MYT1L: variants seen among roughly 807,000 people sequenced by gnomAD.
The protein encoded by MYT1L is myelin transcription factor 1-like protein.
In MYT1L, 12 loss-of-function variants were observed where a neutral mutation model predicts 126.7. The ratio of observed to expected loss-of-function variants is 0.09; its 90% CI spans 0.06 to 0.15. MYT1L has a LOEUF of 0.15. MYT1L is among the 10% of genes least tolerant of loss of function. The pLI is 1.00. For missense variants in MYT1L, 979 were observed against 1,585.2 expected, an observed-to-expected ratio of 0.62 and a Z score of 6.49; for synonymous variants, 541 against 604.2, an observed-to-expected ratio of 0.90 and a Z score of 1.53.
chr2:2,129,633 G>A (rs765920238), intron 3 of MYT1L, among the ~76,000 whole-genome samples: 5 of 152,290 alleles, frequency 3.3e-5, no homozygotes, highest in Admixed American at 6.5e-5. Context: ...TAGGCCGGGC[G>A]CGGTGGCTCA....
chr2:1,850,326 C>A (rs560498161), intron 19 of MYT1L, among the ~76,000 whole-genome samples: 1 of 151,760 alleles, frequency 6.6e-6, no homozygotes, highest in Admixed American at 6.6e-5. Flanking sequence ...GTCTGGACTG[C>A]GTACTTTATA....
intron 23 of MYT1L, chr2:1,795,515 C>G (rs1473528808): frequency 6.6e-6 from 1 of 152,578 alleles, no homozygotes; most frequent in Non-Finnish European, 1.5e-5. Context: ...CAAACCCAAC[C>G]CACAGCAGCC....
At position 1,791,691 on chromosome 2, in the gene MYT1L, A is replaced by C; in HGVS notation, c.*176T>G. The stretch of plus-strand genomic sequence containing the variant: ...GTACAAAATGTGGGTGTATTCAAAA[A>C]CTATTCTGCAGGTACTATCTTTAAA... On this transcript the variant is annotated 3_prime_UTR_variant, in exon 25 of 25. Transcript: ENST00000647738. This position sits in a 1 kb window ranked among gnomAD's most constrained non-coding sequence, Gnocchi z 6.0. 1.6e-6 allele frequency: 1 copy of C among 608,286 alleles called. No homozygotes were observed. Among genetic ancestry groups the C allele is most frequent in the South Asian group, 2.9e-5 (1 of 34,090 alleles). The allele number at this position is 608,286 out of a possible 1,614,324, so 37.7% of individuals were successfully genotyped here. A position where few individuals can be genotyped will look rare whatever the true frequency, so the allele number is the denominator to read the frequency against.
chr2:1,953,759 A>G (rs531177590), intron 8 of MYT1L, among the ~76,000 whole-genome samples: 105 of 152,296 alleles, frequency 6.9e-4, no homozygotes, highest in African/African-American at 2.5e-3. Flanking sequence ...GTGTGTTTCT[A>G]TCAGCATCTG....
rs576700611 is a variant in MYT1L at position 1,991,764 on chromosome 2, T to C, written c.-1+5427A>G. ...ACCCTGTTGGCTATCACTTTTAACA[T>C]CCTTCTTTCAAAGAACACCACTGAC... is the stretch of plus-strand genomic sequence containing the variant. On this transcript the variant is annotated intron_variant, in intron 5 of 24. Transcript: ENST00000647738. Among the ~76,000 whole-genome samples, 4 of 152,240 alleles carry C rather than the reference T, an allele frequency of 2.6e-5. No individual in the cohort carries two copies. In the South Asian group the frequency reaches 8.3e-4, roughly 32 times the overall value.
intron 9 of MYT1L, among the ~76,000 whole-genome samples, chr2:1,934,765 C>G: frequency 6.6e-6 from 1 of 151,532 alleles, no homozygotes; most frequent in Non-Finnish European, 1.5e-5. Context: ...CACACACACA[C>G]ACACAGGCAC....
intron 3 of MYT1L, among the ~76,000 whole-genome samples, chr2:2,158,034 A>G (rs533328157): frequency 6.6e-5 from 10 of 152,020 alleles, no homozygotes; most frequent in Non-Finnish European, 1.3e-4. Context: ...GCCCTTTCCA[A>G]TATTTTCTTC....
intron 8 of MYT1L, among the ~76,000 whole-genome samples, chr2:1,971,687 T>C (rs12622712): frequency 0.23 from 34,769 of 151,842 alleles, 5,299 homozygotes; most frequent in African/African-American, 0.44. Flanking sequence ...GCTGAGATCG[T>C]GCCACTGCAC....
rs1025886580 is a variant in MYT1L, at chr2:1,930,507, A to C, written c.506-7244T>G. Among the ~76,000 whole-genome samples the C allele has an allele frequency of 9.9e-5, 15 of 152,160 alleles. 1 individual carries two copies. Among genetic ancestry groups the C allele is most frequent in the African/African-American group, 3.6e-4 (15 of 41,430 alleles). ...CCTCCCTGCAATCACAACGCTTCAA[A>C]TACTGGTGAGGTACCCACATCAGAT... On this transcript the variant is annotated intron_variant, in intron 9 of 24. Transcript: ENST00000647738.
chr2:2,205,376 A>C (rs1180358154), intron 2 of MYT1L, among the ~76,000 whole-genome samples: 1 of 152,196 alleles, frequency 6.6e-6, no homozygotes, highest in African/African-American at 2.4e-5. Context: ...GTGAACCTTA[A>C]ACAATTCTTA....
intron 3 of MYT1L, among the ~76,000 whole-genome samples, chr2:2,121,569 C>T (rs1359680030): frequency 6.6e-6 from 1 of 152,022 alleles, no homozygotes. Flanking sequence ...TCACTGCAAC[C>T]TCCGCCTTCC....
At chr2:1,865,222 G>A (rs529181245) in intron 18 of MYT1L, among the ~76,000 whole-genome samples, 3 of 152,298 alleles carry the variant, frequency 2.0e-5, no homozygotes, top group South Asian at 4.1e-4. Context: ...GACAAAGGTG[G>A]GACCTGCACT....
At chr2:1,821,901 C>A (rs1310935527) in intron 21 of MYT1L, among the ~76,000 whole-genome samples, 1 of 152,224 alleles carries the variant, frequency 6.6e-6, no homozygotes, top group Non-Finnish European at 1.5e-5. Context: ...GCACTAGCTC[C>A]AGAGCTTCTG....
intron 18 of MYT1L, among the ~76,000 whole-genome samples, chr2:1,863,574 G>T (rs1250878271): frequency 6.6e-6 from 1 of 152,118 alleles, no homozygotes; most frequent in Non-Finnish European, 1.5e-5. Flanking sequence ...CCCCCGGAAG[G>T]ATAGAAACGG....
At chr2:2,072,316 G>A (rs970352698) in intron 3 of MYT1L, among the ~76,000 whole-genome samples, 2 of 152,196 alleles carry the variant, frequency 1.3e-5, no homozygotes, top group African/African-American at 2.4e-5. Flanking sequence ...ATTCTTAAAT[G>A]TATGCTGAGC....
chr2:1,865,367 G>T (rs1479063703), intron 18 of MYT1L, among the ~76,000 whole-genome samples: 1 of 152,182 alleles, frequency 6.6e-6, no homozygotes, highest in Admixed American at 6.5e-5. Context: ...CAGGGGTGTG[G>T]CCAAAGAGCC....
chr2:2,003,403 G>T (rs549935976), intron 4 of MYT1L, among the ~76,000 whole-genome samples: 2 of 152,216 alleles, frequency 1.3e-5, no homozygotes, highest in East Asian at 3.9e-4. Flanking sequence ...CCCAGTCCAG[G>T]TTTGCCCACC....
At chr2:1,942,283 A>G (rs552937592) in intron 9 of MYT1L, among the ~76,000 whole-genome samples, 3 of 152,320 alleles carry the variant, frequency 2.0e-5, no homozygotes, top group East Asian at 3.9e-4. Context: ...TAGTAACAGA[A>G]CACTGGACAT....
chr2:2,201,419 G>A (rs982987594), intron 2 of MYT1L, among the ~76,000 whole-genome samples: 10 of 152,060 alleles, frequency 6.6e-5, no homozygotes, highest in African/African-American at 2.4e-4. Flanking sequence ...ATAAGTGTTG[G>A]CCGGGTGCGG....
Sources: gnomAD v4.1 joint callset for allele counts (sites outside exome capture counted in the v4.1 genomes callset) on GRCh38, gnomAD v4.1.1 for gene constraint, Gnocchi (gnomAD v3.1) non-coding constraint, MANE v1.5 for transcripts, NCBI Gene and HGNC (gene_info 2026-07-23, HGNC 2026-07-21) for gene names.